NPHP4: variants seen among roughly 807,000 people sequenced by gnomAD.
NPHP4 encodes nephrocystin 4, also known as nephrocystin-4.
In NPHP4, 151 loss-of-function variants were observed where a neutral mutation model predicts 155.8. That is an observed-to-expected ratio of 0.97 (90% CI 0.85 to 1.11). The LOEUF (loss-of-function observed/expected upper bound fraction) is 1.11, where lower values mean the gene tolerates loss of function less well. Ranked by LOEUF, NPHP4 falls within the 50% of genes least tolerant of loss-of-function variation. The probability of loss-of-function intolerance (pLI) is 0.00; values close to 1 mark genes in which losing one functional copy is unlikely to be tolerated. For missense variants in NPHP4, 1,956 were observed against 1,925.7 expected, an observed-to-expected ratio of 1.02 and a Z score of -0.29; for synonymous variants, 845 against 816.8, an observed-to-expected ratio of 1.03 and a Z score of -0.59.
intron 6 of NPHP4, among the ~76,000 whole-genome samples, chr1:5,960,775 C>T (rs1650167423): frequency 6.6e-6 from 1 of 152,040 alleles, no homozygotes. Context: ...GAGCACACCC[C>T]CAACACTCCC....
chr1:5,908,610 C>T (rs374357770), intron 12 of NPHP4, among the ~76,000 whole-genome samples: 180 of 152,162 alleles, frequency 1.2e-3, no homozygotes, highest in African/African-American at 3.8e-3. Context: ...AACGGCCCAG[C>T]GGGAAGGCGC....
At chr1:5,922,234 A>G (rs1395628352) in intron 11 of NPHP4, among the ~76,000 whole-genome samples, 1 of 152,212 alleles carries the variant, frequency 6.6e-6, no homozygotes, top group African/African-American at 2.4e-5. Context: ...CAGAAGGAGC[A>G]CAGCCCCGCT....
At chr1:5,959,579 G>A (rs1308872664) in intron 6 of NPHP4, among the ~76,000 whole-genome samples, 2 of 152,046 alleles carry the variant, frequency 1.3e-5, no homozygotes, top group Non-Finnish European at 2.9e-5. Flanking sequence ...TGACACCCAC[G>A]GGCAAGTCAC....
At position 5,890,199 on chromosome 1, in the gene NPHP4, T is replaced by G. The variant is rs2100909206; in HGVS notation, c.2304+669A>C. Among the ~76,000 whole-genome samples, 2 of 152,208 alleles carry G rather than the reference T, an allele frequency of 1.3e-5. No homozygotes were observed. The highest frequency in any genetic ancestry group is 3.9e-4 in the East Asian group (2 of 5,160). On this transcript the variant is annotated intron_variant, in intron 17 of 29. Coordinates refer to ENST00000378156, the MANE Select transcript of NPHP4 (RefSeq NM_015102.5). This position sits in a 1 kb window ranked among gnomAD's most constrained non-coding sequence, Gnocchi z 4.9. ...CTCAGAGACTCAGGGGCTGCAATAA[T>G]GACGCCACATCCTCTCCCAGCTCCG...
chr1:5,981,491 T>C (rs889902257), intron 2 of NPHP4, among the ~76,000 whole-genome samples: 2 of 151,998 alleles, frequency 1.3e-5, no homozygotes, highest in African/African-American at 4.8e-5. Flanking sequence ...AAAAAGTAAA[T>C]GGGACAGTAA....
At chr1:5,983,394 G>C (rs1002309167) in intron 2 of NPHP4, among the ~76,000 whole-genome samples, 3 of 152,192 alleles carry the variant, frequency 2.0e-5, no homozygotes, top group Admixed American at 1.3e-4. Flanking sequence ...TGCCTAAACT[G>C]TTTATGTACT....
intron 2 of NPHP4, among the ~76,000 whole-genome samples, chr1:5,982,353 C>T (rs72630649): frequency 0.15 from 22,198 of 152,142 alleles, 1,757 homozygotes; most frequent in Non-Finnish European, 0.19. Flanking sequence ...GTATTCAGTA[C>T]AGTAATGTGC....
At chr1:5,907,516 AGGGGCGGCCT>A (rs1446330730) in intron 12 of NPHP4, among the ~76,000 whole-genome samples, 1 of 152,254 alleles carries the variant, frequency 6.6e-6, no homozygotes, top group African/African-American at 2.4e-5. Context: ...CTCAAGCTAC[AGGGGCGGCCT>A]GGCCTCTGCC....
At chr1:5,902,785 T>G (rs1644742293) in intron 16 of NPHP4, among the ~76,000 whole-genome samples, 1 of 152,250 alleles carries the variant, frequency 6.6e-6, no homozygotes, top group African/African-American at 2.4e-5. Flanking sequence ...AATATTATTT[T>G]GTCATTCAGT....
At chr1:5,928,432 G>T (rs996921281) in intron 10 of NPHP4, among the ~76,000 whole-genome samples, 58 of 152,154 alleles carry the variant, frequency 3.8e-4, no homozygotes, top group African/African-American at 1.4e-3. Context: ...TCTATTGTAC[G>T]GATGTACCAG....
Position 5,904,788 on chromosome 1 carries a change from G to C in NPHP4, c.1972C>G (p.Arg658Gly). The change falls in exon 16 of 30, where the codon CGA (arginine) becomes GGA (glycine). Residue 658 changes from arginine to glycine, a missense_variant. By Grantham distance (125) the Arg-to-Gly change is moderately radical (BLOSUM62 -2). Coordinates refer to ENST00000378156, the MANE Select transcript of NPHP4 (RefSeq NM_015102.5). ...ACAGTCTTTGGCCATGATGTTCCTC[G>C]GCAGTCCTGGGCCACTCTGAATCCA... Reference protein sequence around the residue: ...LAFSRVAQDCRGTSWPKTVYF... With the variant: ...LAFSRVAQDCGGTSWPKTVYF... 1 of 1,613,960 alleles carries C rather than the reference G, an allele frequency of 6.2e-7. No individual in the cohort carries two copies. The highest frequency in any genetic ancestry group is 1.1e-5 in the South Asian group (1 of 91,068).
At chr1:5,901,275 A>G (rs1162910820) in intron 16 of NPHP4, among the ~76,000 whole-genome samples, 3 of 152,188 alleles carry the variant, frequency 2.0e-5, no homozygotes, top group Non-Finnish European at 4.4e-5. Context: ...ACAACAACAA[A>G]TATCTTTTAA....
At chr1:5,912,085 G>A (rs186107615) in intron 11 of NPHP4, among the ~76,000 whole-genome samples, 4 of 152,346 alleles carry the variant, frequency 2.6e-5, no homozygotes, top group Admixed American at 1.3e-4. Context: ...CTGGGGCAGC[G>A]CTGCGACAAC....
At position 5,865,112 on chromosome 1, in the gene NPHP4, T is replaced by C. The variant is rs747971299; in HGVS notation, c.3806A>G (p.Gln1269Arg). ...CCAGAGAGGCCGTACCTTCAGCTCC[T>C]GGGGATGAGAGGTGAAAGCTCTCAC... The part of the protein sequence containing the change: ...RKVRAFTSHP[Q>R]ELKTDPKGVF... The change falls in exon 27 of 30, where the codon CAG (glutamine) becomes CGG (arginine). Residue 1269 changes from glutamine (Q) to arginine (R), a missense_variant. By Grantham distance (43) the Gln-to-Arg change is conservative (BLOSUM62 1). Coordinates refer to ENST00000378156, the MANE Select transcript of NPHP4 (RefSeq NM_015102.5). 5 of 1,613,632 alleles carry C rather than the reference T, an allele frequency of 3.1e-6. No individual in the cohort carries two copies. The highest frequency in any genetic ancestry group is 2.2e-5 in the South Asian group (2 of 91,060).
intron 3 of NPHP4, 44 bp downstream of exon 3, chr1:5,978,226 C>CCCT: frequency 6.4e-7 from 1 of 1,573,768 alleles, no homozygotes; most frequent in Non-Finnish European, 8.6e-7. Context: ...CGCACACACA[C>CCCT]CCTCCGCCTT....
At chr1:5,875,517 A>C (rs1642500378) in intron 20 of NPHP4, among the ~76,000 whole-genome samples, 1 of 152,208 alleles carries the variant, frequency 6.6e-6, no homozygotes, top group Non-Finnish European at 1.5e-5. Flanking sequence ...CAGCGTCCAC[A>C]GGAGAGGACA....
intron 23 of NPHP4, among the ~76,000 whole-genome samples, chr1:5,871,231 T>C (rs190066448): frequency 6.6e-6 from 1 of 152,282 alleles, no homozygotes; most frequent in Non-Finnish European, 1.5e-5. Flanking sequence ...AAGTTCTAAA[T>C]TATTTCAAAA....
rs199573023 is a variant in NPHP4 at position 5,967,276 on chromosome 1, C to T, written c.517+23G>A. 2.1e-3 allele frequency: 3,283 copies of T among 1,584,366 alleles called. 11 individuals carry two copies. The highest frequency in any genetic ancestry group is 2.1e-3 in the Non-Finnish European group (2,418 of 1,163,922). The stretch of plus-strand genomic sequence containing the variant: ...GAAGGCACGAGAGCAGTGAGTGCTG[C>T]CAAGGCCAGGTCTGGCTCTTACGCT... On this transcript the variant is annotated intron_variant, in intron 5 of 29. Coordinates refer to ENST00000378156, the MANE Select transcript of NPHP4 (RefSeq NM_015102.5).
intron 10 of NPHP4, among the ~76,000 whole-genome samples, chr1:5,931,852 A>C (rs1267224964): frequency 6.6e-6 from 1 of 151,964 alleles, no homozygotes; most frequent in Admixed American, 6.6e-5. Context: ...AGGTAGGAGG[A>C]TCCCTTGAAC....
Sources: gnomAD v4.1 joint callset for allele counts (sites outside exome capture counted in the v4.1 genomes callset) on GRCh38, gnomAD v4.1.1 for gene constraint, Gnocchi (gnomAD v3.1) non-coding constraint, MANE v1.5 for transcripts, NCBI Gene and HGNC (gene_info 2026-07-23, HGNC 2026-07-21) for gene names.